RBM47: variants seen among roughly 807,000 people sequenced by gnomAD.
The protein encoded by RBM47 is RNA binding motif protein 47, also known as RNA-binding protein 47.
A neutral mutation model predicts 47.1 loss-of-function variants in RBM47; 21 were observed. The observed-to-expected ratio is 0.45, with a 90% CI of 0.32 to 0.64. The LOEUF is 0.64. Ranked by LOEUF, RBM47 falls within the 30% of genes least tolerant of loss-of-function variation. The pLI is 0.05. For synonymous variants in RBM47, 375 were observed against 361.7 expected, an observed-to-expected ratio of 1.04 and a Z score of -0.42; for missense variants, 708 against 870.9, an observed-to-expected ratio of 0.81 and a Z score of 2.35.
At chr4:40,571,828 G>A (rs1433892204) in intron 1 of RBM47, among the ~76,000 whole-genome samples, 2 of 151,504 alleles carry the variant, frequency 1.3e-5, no homozygotes, top group East Asian at 3.9e-4. Context: ...AGAACAGCCT[G>A]GCCAATATGG....
chr4:40,479,173 G>A (rs1330392299), intron 2 of RBM47, among the ~76,000 whole-genome samples: 5 of 152,102 alleles, frequency 3.3e-5, no homozygotes, highest in Admixed American at 6.5e-5. Context: ...ATTTTCTTTC[G>A]GTTAATTTGT....
chr4:40,472,572 A>T (rs1240315661), intron 2 of RBM47, among the ~76,000 whole-genome samples: 1 of 151,888 alleles, frequency 6.6e-6, no homozygotes, highest in Non-Finnish European at 1.5e-5. Context: ...CAAAAAAAAA[A>T]AAAAAAAATC....
At chr4:40,503,041 GGACA>G (rs896923695) in intron 2 of RBM47, among the ~76,000 whole-genome samples, 14 of 151,500 alleles carry the variant, frequency 9.2e-5, no homozygotes, top group Middle Eastern at 3.5e-3. Context: ...TGTTAAGCCT[GGACA>G]GACAGAGGAC....
rs528688833 is a variant in RBM47, at chr4:40,628,471, C to G, written c.-240+925G>C. ...TTTTAGAATCGGCACCTGCAATTCT[C>G]AAATGCTCTGGATCTAATTGCCAAC... On this transcript the variant is annotated intron_variant, in intron 1 of 6. Coordinates refer to ENST00000295971, the MANE Select transcript of RBM47 (RefSeq NM_001098634.2). The surrounding 1 kb of genome is among the most constrained non-coding windows in gnomAD (Gnocchi z 4.0). Among the ~76,000 whole-genome samples the G allele has an allele frequency of 9.8e-5, 15 of 152,324 alleles. No homozygotes were observed. Among genetic ancestry groups the G allele is most frequent in the Non-Finnish European group, 1.9e-4 (13 of 68,026 alleles).
chr4:40,581,184 G>GGC (rs1029269222), intron 1 of RBM47, among the ~76,000 whole-genome samples: 1 of 152,104 alleles, frequency 6.6e-6, no homozygotes, highest in African/African-American at 2.4e-5. Context: ...TACTTTGGGA[G>GGC]GCCGAGATGG....
intron 2 of RBM47, among the ~76,000 whole-genome samples, chr4:40,525,525 G>A (rs1726615174): frequency 6.6e-6 from 1 of 152,024 alleles, no homozygotes; most frequent in African/African-American, 2.4e-5. Context: ...TTGTAAATCT[G>A]GATTTTTATT....
chr4:40,429,212 G>A (rs953882140), intron 6 of RBM47, among the ~76,000 whole-genome samples: 1 of 152,052 alleles, frequency 6.6e-6, no homozygotes, highest in African/African-American at 2.4e-5. Flanking sequence ...GCCCCAAAGT[G>A]CAAGAGTAGT....
At chr4:40,434,296 T>C (rs1283147673) in intron 5 of RBM47, among the ~76,000 whole-genome samples, 1 of 152,098 alleles carries the variant, frequency 6.6e-6, no homozygotes, top group Admixed American at 6.6e-5. Flanking sequence ...CTGGTGCCTC[T>C]CCTAAAATAC....
intron 6 of RBM47, among the ~76,000 whole-genome samples, chr4:40,428,965 G>A (rs1277818997): frequency 6.6e-6 from 1 of 152,170 alleles, no homozygotes. Context: ...GCGGTCAACT[G>A]AAGTCTGAAA....
chr4:40,590,119 G>A (rs761461543), intron 1 of RBM47, among the ~76,000 whole-genome samples: 24 of 152,192 alleles, frequency 1.6e-4, no homozygotes, highest in Non-Finnish European at 2.9e-4. Context: ...TTGCCAGATC[G>A]GGGAATAGGC....
chr4:40,534,954 AAT>A (rs1213197707), intron 2 of RBM47, among the ~76,000 whole-genome samples: 7 of 151,792 alleles, frequency 4.6e-5, no homozygotes, highest in Admixed American at 2.0e-4. Context: ...AAAAAAAAAA[AAT>A]GCAAACTCGC....
chr4:40,611,348 G>A, intron 1 of RBM47, among the ~76,000 whole-genome samples: 1 of 152,138 alleles, frequency 6.6e-6, no homozygotes, highest in East Asian at 1.9e-4. Flanking sequence ...GATACATTTT[G>A]TATCTCCAAT....
intron 1 of RBM47, among the ~76,000 whole-genome samples, chr4:40,619,265 C>A (rs1737037349): frequency 6.6e-6 from 1 of 152,004 alleles, no homozygotes; most frequent in South Asian, 2.1e-4. Flanking sequence ...CCTGTCTCTA[C>A]AAAAAAATCA....
intron 4 of RBM47, among the ~76,000 whole-genome samples, chr4:40,437,157 C>CATAT (rs373275153): frequency 7.4e-5 from 5 of 67,122 alleles, no homozygotes; most frequent in African/African-American, 9.7e-5. Flanking sequence ...ATATAAAATA[C>CATAT]ATATATATAT....
At chr4:40,483,110 C>T (rs1373429650) in intron 2 of RBM47, among the ~76,000 whole-genome samples, 1 of 152,160 alleles carries the variant, frequency 6.6e-6, no homozygotes, top group Non-Finnish European at 1.5e-5. Flanking sequence ...AACTCCAAGG[C>T]TGATCAGTTT....
At chr4:40,527,431 T>A (rs1726843974) in intron 2 of RBM47, among the ~76,000 whole-genome samples, 2 of 142,216 alleles carry the variant, frequency 1.4e-5, no homozygotes, top group South Asian at 4.4e-4. Flanking sequence ...AGATCACACC[T>A]GGCAATTTTT....
At chr4:40,623,239 G>A (rs187680118) in intron 1 of RBM47, among the ~76,000 whole-genome samples, 22 of 152,322 alleles carry the variant, frequency 1.4e-4, no homozygotes, top group Admixed American at 1.1e-3. Context: ...CCACAATGTG[G>A]AGCAAAAAGC....
At chr4:40,503,318 G>A (rs1723649802) in intron 2 of RBM47, among the ~76,000 whole-genome samples, 1 of 152,206 alleles carries the variant, frequency 6.6e-6, no homozygotes, top group Admixed American at 6.5e-5. Flanking sequence ...TGGGCATTGG[G>A]AAGAGTAGGT....
In RBM47 at chr4:40,436,624, G is replaced by A; in HGVS notation, c.1147C>T (p.Arg383Ter). Residue 383 changes from arginine to a stop codon, truncating the protein, a stop_gained, in exon 5 of 7, where the codon CGA becomes TGA. Coordinates refer to ENST00000295971, the MANE Select transcript of RBM47 (RefSeq NM_001098634.2). LOFTEE classifies it high-confidence loss of function. Reference protein sequence around the residue: ...VKAGSIRGRGRGAAGNRAPGP... With the variant: ...VKAGSIRGRG ...GGGGCTCTGTTGCCAGCTGCACCTC[G>A]CCCTCGGCCTCTTATGCTGCCTGCT... 6.2e-7 allele frequency: 1 copy of A among 1,613,952 alleles called. No individual in the cohort carries two copies. The highest frequency in any genetic ancestry group is 8.5e-7 in the Non-Finnish European group (1 of 1,179,980).
Sources: allele counts gnomAD v4.1 joint callset (sites outside exome capture counted in the v4.1 genomes callset), GRCh38; gene constraint gnomAD v4.1.1; non-coding constraint Gnocchi (gnomAD v3.1); transcripts MANE v1.5; gene names NCBI Gene and HGNC (gene_info 2026-07-23, HGNC 2026-07-21).